Variants in PPP1R12B observed in about 807,000 individuals in gnomAD.
PPP1R12B encodes myosin phosphatase target subunit 2.
Under a neutral mutation model 126.1 loss-of-function variants are expected in PPP1R12B, and 76 were observed. The observed-to-expected ratio is 0.60, with a 90% CI of 0.50 to 0.73. The LOEUF (loss-of-function observed/expected upper bound fraction) is 0.73. PPP1R12B is among the 30% of genes least tolerant of loss of function. PPP1R12B has a pLI of 0.00. For missense variants in PPP1R12B, 1,052 were observed against 1,205.1 expected, an observed-to-expected ratio of 0.87 and a Z score of 1.88; for synonymous variants, 356 against 434.7, an observed-to-expected ratio of 0.82 and a Z score of 2.25.
At chr1:202,527,265 A>G (rs1683444052) in intron 18 of PPP1R12B, 1 of 152,206 alleles carries the variant, frequency 6.6e-6, no homozygotes, top group Admixed American at 6.5e-5. Context: ...GGATGCAAAC[A>G]AAAACAGATC....
At chr1:202,447,281 G>A (rs2148712041) in intron 12 of PPP1R12B, among the ~76,000 whole-genome samples, 2 of 152,286 alleles carry the variant, frequency 1.3e-5, no homozygotes, top group South Asian at 4.1e-4. Flanking sequence ...AGACCAAATG[G>A]TTAATCATCT....
At chr1:202,462,094 C>T (rs1250243259) in intron 13 of PPP1R12B, among the ~76,000 whole-genome samples, 1 of 152,232 alleles carries the variant, frequency 6.6e-6, no homozygotes, top group Non-Finnish European at 1.5e-5. Context: ...GTTTTAAAAT[C>T]GGTTATAGTG....
At chr1:202,487,603 C>CTTTTTTTTTTTTTTTTT (rs35559949) in intron 13 of PPP1R12B, among the ~76,000 whole-genome samples, 1 of 147,062 alleles carries the variant, frequency 6.8e-6, no homozygotes, top group African/African-American at 2.5e-5. Context: ...AGATACATTT[C>CTTTTTTTTTTTTTTTTT]TTTTTTTTTT....
intron 1 of PPP1R12B, among the ~76,000 whole-genome samples, chr1:202,359,264 G>T (rs942948599): frequency 2.0e-5 from 3 of 151,880 alleles, no homozygotes; most frequent in Non-Finnish European, 2.9e-5. Context: ...CCAAGTAGCT[G>T]GGATTAGAGG....
chr1:202,362,294 C>T lies in PPP1R12B; in HGVS notation c.291+13152C>T, dbSNP rs1477028812. On this transcript the variant is annotated intron_variant, in intron 1 of 23. Transcript: ENST00000608999. ...ATTGTTCCTCCTTGACAGTAGATAG[C>T]ATGAAAAATGAGGTCAAAAGAATAA... 2.0e-5 allele frequency among the ~76,000 whole-genome samples: 3 copies of T among 151,996 alleles called. No individual in the cohort carries two copies. The East Asian group carries it at 5.8e-4, about 29-fold the overall frequency.
chr1:202,368,163 G>T (rs1659606638), intron 1 of PPP1R12B, among the ~76,000 whole-genome samples: 1 of 152,022 alleles, frequency 6.6e-6, no homozygotes, highest in South Asian at 2.1e-4. Flanking sequence ...TAGAAACAGG[G>T]TTTCACCATG....
chr1:202,519,273 T>C (rs1682503372), intron 18 of PPP1R12B, among the ~76,000 whole-genome samples: 1 of 152,064 alleles, frequency 6.6e-6, no homozygotes, highest in African/African-American at 2.4e-5. Flanking sequence ...TTTTTTTTTC[T>C]TTTTCTTTTG....
At chr1:202,433,447 A>T (rs192057723) in intron 8 of PPP1R12B, among the ~76,000 whole-genome samples, 184 of 152,246 alleles carry the variant, frequency 1.2e-3, no homozygotes, top group African/African-American at 4.3e-3. Context: ...TAAACCTATG[A>T]CCACCTCCCT....
chr1:202,454,893 T>C (rs1460994813), intron 13 of PPP1R12B, among the ~76,000 whole-genome samples: 1 of 151,488 alleles, frequency 6.6e-6, no homozygotes, highest in Admixed American at 6.6e-5. Context: ...CTGTACTCTA[T>C]CCTCGACCAC....
intron 12 of PPP1R12B, among the ~76,000 whole-genome samples, chr1:202,445,947 T>C (rs1646263659): frequency 6.6e-6 from 1 of 152,054 alleles, no homozygotes; most frequent in Non-Finnish European, 1.5e-5. Flanking sequence ...ATGAAAAAAA[T>C]CTTAATGATA....
Position 202,425,623 on chromosome 1 carries a change from G to T in PPP1R12B, c.599G>T (p.Arg200Leu). 1 of 1,613,952 alleles carries T rather than the reference G, an allele frequency of 6.2e-7. No homozygotes were observed. Among genetic ancestry groups the T allele is most frequent in the Non-Finnish European group, 8.5e-7 (1 of 1,179,842 alleles). ...GAGCAGCAGATGTTGCAGGATGCCCGCCAGTGGCTCAACAGTGGGAAAATA... is the reference window on the plus strand; with the variant it reads ...GAGCAGCAGATGTTGCAGGATGCCCTCCAGTGGCTCAACAGTGGGAAAATA... The part of the protein sequence containing the change: ...EEEQQMLQDA[R>L]QWLNSGKIED... The change falls in exon 4 of 24, where the codon CGC becomes CTC. Residue 200 changes from arginine (R) to leucine (L), a missense_variant. Coordinates refer to ENST00000608999, the MANE Select transcript of PPP1R12B (RefSeq NM_002481.4).
chr1:202,425,305 A>G (rs1344404814), intron 3 of PPP1R12B, among the ~76,000 whole-genome samples: 1 of 152,170 alleles, frequency 6.6e-6, no homozygotes, highest in African/African-American at 2.4e-5. Context: ...CTTTGTCTTT[A>G]TGTTCTGTTG....
At chr1:202,574,405 G>A (rs1317293515) in intron 23 of PPP1R12B, among the ~76,000 whole-genome samples, 1 of 152,146 alleles carries the variant, frequency 6.6e-6, no homozygotes, top group Non-Finnish European at 1.5e-5. Flanking sequence ...AGCTACTTTA[G>A]GAGGCTGAGG....
intron 18 of PPP1R12B, among the ~76,000 whole-genome samples, chr1:202,534,186 G>A (rs1444283371): frequency 6.6e-6 from 1 of 151,980 alleles, no homozygotes; most frequent in Non-Finnish European, 1.5e-5. Flanking sequence ...ATTATCCCAG[G>A]TTTGGCTTTT....
At chr1:202,393,509 G>A (rs1664463154) in intron 1 of PPP1R12B, among the ~76,000 whole-genome samples, 1 of 151,634 alleles carries the variant, frequency 6.6e-6, no homozygotes, top group African/African-American at 2.4e-5. Context: ...GGAAATGGGT[G>A]CACTTAACTG....
At chr1:202,423,610 G>A (rs987835841) in intron 3 of PPP1R12B, among the ~76,000 whole-genome samples, 1 of 152,174 alleles carries the variant, frequency 6.6e-6, no homozygotes, top group Non-Finnish European at 1.5e-5. Flanking sequence ...CCTTAATATA[G>A]TGATGTTCTA....
At chr1:202,519,366 G>A (rs1175345760) in intron 18 of PPP1R12B, among the ~76,000 whole-genome samples, 3 of 152,028 alleles carry the variant, frequency 2.0e-5, no homozygotes, top group South Asian at 4.2e-4. Context: ...TAGAGTTCAA[G>A]CAATTCTCAT....
At chr1:202,388,343 A>AT (rs1277288625) in intron 1 of PPP1R12B, among the ~76,000 whole-genome samples, 2 of 151,878 alleles carry the variant, frequency 1.3e-5, no homozygotes, top group East Asian at 3.9e-4. Flanking sequence ...GCCACCACTA[A>AT]TTTTTGTATT....
At chr1:202,352,626 C>T (rs558931829) in intron 1 of PPP1R12B, among the ~76,000 whole-genome samples, 2 of 152,194 alleles carry the variant, frequency 1.3e-5, no homozygotes, top group South Asian at 2.1e-4. Flanking sequence ...TGGTGGCTCA[C>T]GCTTGTAATC....
Sources: gnomAD v4.1 joint callset for allele counts (sites outside exome capture counted in the v4.1 genomes callset) on GRCh38, gnomAD v4.1.1 for gene constraint, MANE v1.5 for transcripts, NCBI Gene and HGNC (gene_info 2026-07-23, HGNC 2026-07-21) for gene names.